DAB1: variants seen among roughly 807,000 people sequenced by gnomAD.
DAB1 encodes disabled homolog 1.
A neutral mutation model predicts 64.6 loss-of-function variants in DAB1; 15 were observed. That is an observed-to-expected ratio of 0.23 (90% CI 0.16 to 0.36). The LOEUF (loss-of-function observed/expected upper bound fraction) is 0.36, where lower values mean the gene tolerates loss of function less well. Ranked by LOEUF, DAB1 falls within the 10% of genes least tolerant of loss-of-function variation. The pLI, the probability that DAB1 is intolerant of heterozygous loss-of-function variation, is 1.00. For missense variants in DAB1, 596 were observed against 706.7 expected, an observed-to-expected ratio of 0.84 and a Z score of 1.78; for synonymous variants, 235 against 251.9, an observed-to-expected ratio of 0.93 and a Z score of 0.64.
At chr1:57,035,445 C>T (rs374155166) in intron 9 of DAB1, among the ~76,000 whole-genome samples, 3 of 152,046 alleles carry the variant, frequency 2.0e-5, no homozygotes, top group Non-Finnish European at 2.9e-5. Context: ...TCAGCATGAG[C>T]GTGTTGTCAC....
intron 2 of DAB1, among the ~76,000 whole-genome samples, chr1:57,179,102 A>G (rs937459020): frequency 2.0e-5 from 3 of 152,180 alleles, no homozygotes; most frequent in Non-Finnish European, 4.4e-5. Context: ...CAGACCTTCA[A>G]CCTCATTTAG....
At chr1:58,140,984 G>A (rs1654250659) in intron 5 of DAB1, among the ~76,000 whole-genome samples, 1 of 152,150 alleles carries the variant, frequency 6.6e-6, no homozygotes, top group South Asian at 2.1e-4. Flanking sequence ...AAGAAAAGAG[G>A]TTTAATTGGC....
intron 4 of DAB1, among the ~76,000 whole-genome samples, chr1:58,305,442 T>C (rs982074792): frequency 6.6e-6 from 1 of 152,216 alleles, no homozygotes; most frequent in Non-Finnish European, 1.5e-5. Context: ...AAAATCTGTA[T>C]CTTTCACATT....
At chr1:58,398,862 T>G (rs1032171887) in intron 3 of DAB1, among the ~76,000 whole-genome samples, 1 of 152,216 alleles carries the variant, frequency 6.6e-6, no homozygotes, top group Non-Finnish European at 1.5e-5. Context: ...TGTATCACTT[T>G]GCTGAGTTAC....
intron 4 of DAB1, among the ~76,000 whole-genome samples, chr1:58,250,518 G>C (rs1299539164): frequency 6.6e-6 from 1 of 152,224 alleles, no homozygotes. Flanking sequence ...GCTCTCTGCA[G>C]GCCACATCTT....
intron 2 of DAB1, among the ~76,000 whole-genome samples, chr1:57,162,738 C>A (rs572311337): frequency 1.1e-4 from 16 of 152,290 alleles, no homozygotes; most frequent in African/African-American, 3.6e-4. Context: ...TATGTTTTAT[C>A]TTCCATCTGC....
At chr1:57,536,397 C>G (rs1054551207) in intron 7 of DAB1, among the ~76,000 whole-genome samples, 8 of 152,100 alleles carry the variant, frequency 5.3e-5, no homozygotes, top group African/African-American at 1.9e-4. Context: ...TCTGATGCAC[C>G]CACAGTGATG....
At chr1:57,727,220 G>A (rs749083532) in intron 6 of DAB1, among the ~76,000 whole-genome samples, 10 of 152,200 alleles carry the variant, frequency 6.6e-5, no homozygotes, top group African/African-American at 1.9e-4. Context: ...ATTAAGCTAT[G>A]GGACAGGAAG....
At chr1:57,141,187 TC>T (rs1379605344) in intron 3 of DAB1, among the ~76,000 whole-genome samples, 1 of 152,200 alleles carries the variant, frequency 6.6e-6, no homozygotes, top group Non-Finnish European at 1.5e-5. Flanking sequence ...GTTTCATTTT[TC>T]CCAGTTAAAA....
intron 7 of DAB1, among the ~76,000 whole-genome samples, chr1:57,475,940 C>G (rs1434220791): frequency 6.6e-6 from 1 of 152,116 alleles, no homozygotes; most frequent in East Asian, 1.9e-4. Context: ...AAACAGTATG[C>G]TCGGCCAGGT....
intron 7 of DAB1, among the ~76,000 whole-genome samples, chr1:57,493,333 C>A (rs1262837547): frequency 6.6e-6 from 1 of 152,012 alleles, no homozygotes; most frequent in Non-Finnish European, 1.5e-5. Context: ...ATTCTACTTT[C>A]TGTCTCTCTA....
intron 3 of DAB1, among the ~76,000 whole-genome samples, chr1:58,481,548 A>C (rs1645482660): frequency 6.6e-6 from 1 of 152,186 alleles, no homozygotes; most frequent in Admixed American, 6.5e-5. Flanking sequence ...TTCAAGAAAA[A>C]CTGCAGAACA....
At chr1:58,476,226 A>ATT (rs142419016) in intron 3 of DAB1, among the ~76,000 whole-genome samples, 1 of 150,766 alleles carries the variant, frequency 6.6e-6, no homozygotes, top group Admixed American at 6.6e-5. Flanking sequence ...AATTAAAATA[A>ATT]TTTTTTTTTT....
In DAB1 at chr1:57,985,148, T is replaced by A. The variant is rs751037803; in HGVS notation, n.388-100986A>T. ...ATCTCAAACTCCTGACCTCAAGTAA[T>A]CCACCCGCCTTGGCCTCCCAAAGTG... is the stretch of plus-strand genomic sequence containing the variant. On this transcript the variant is annotated intron_variant and non_coding_transcript_variant, in intron 5 of 20. Coordinates refer to the DAB1 transcript ENST00000485760. 2.3e-4 allele frequency among the ~76,000 whole-genome samples: 35 copies of A among 152,248 alleles called. 1 individual carries two copies. The highest frequency in any genetic ancestry group is 6.8e-3 in the Middle Eastern group (2 of 294).
intron 4 of DAB1, among the ~76,000 whole-genome samples, chr1:58,203,831 C>T (rs1052644018): frequency 2.0e-5 from 3 of 152,138 alleles, no homozygotes; most frequent in African/African-American, 4.8e-5. Flanking sequence ...CTATGTAGAG[C>T]TTTTTAAATG....
chr1:57,643,757 T>C (rs1646158729), intron 7 of DAB1, among the ~76,000 whole-genome samples: 1 of 152,194 alleles, frequency 6.6e-6, no homozygotes, highest in Non-Finnish European at 1.5e-5. Context: ...ATTCTCAAGC[T>C]CAACACTTGG....
At chr1:57,722,575 T>C (rs1485665266) in intron 6 of DAB1, among the ~76,000 whole-genome samples, 2 of 152,226 alleles carry the variant, frequency 1.3e-5, no homozygotes, top group African/African-American at 4.8e-5. Context: ...AGCCTATTTT[T>C]AATCTCTGGA....
intron 5 of DAB1, among the ~76,000 whole-genome samples, chr1:57,928,771 T>G (rs967637194): frequency 1.3e-5 from 2 of 152,234 alleles, no homozygotes; most frequent in Admixed American, 6.5e-5. Context: ...CATATCTTTT[T>G]GTAGCTTAAG....
intron 4 of DAB1, among the ~76,000 whole-genome samples, chr1:58,215,041 C>T (rs954061516): frequency 1.3e-5 from 2 of 152,174 alleles, no homozygotes; most frequent in African/African-American, 4.8e-5. Flanking sequence ...CTGTCTTCCC[C>T]TTGCCCATAC....
Sources: gnomAD v4.1 joint callset for allele counts (sites outside exome capture counted in the v4.1 genomes callset) on GRCh38, gnomAD v4.1.1 for gene constraint, MANE v1.5 for transcripts, NCBI Gene and HGNC (gene_info 2026-07-23, HGNC 2026-07-21) for gene names.